SEC23IP: variants seen among roughly 807,000 people sequenced by gnomAD.
SEC23IP encodes SEC23 interacting protein.
In SEC23IP, 70 loss-of-function variants were observed where a neutral mutation model predicts 113.4. The observed-to-expected ratio is 0.62, with a 90% CI of 0.51 to 0.75. The LOEUF is 0.75. SEC23IP is among the 30% of genes least tolerant of loss of function. SEC23IP has a pLI of 0.00. For missense variants in SEC23IP, 1,160 were observed against 1,204.9 expected, an observed-to-expected ratio of 0.96 and a Z score of 0.55; for synonymous variants, 398 against 421.0, an observed-to-expected ratio of 0.95 and a Z score of 0.67.
In SEC23IP at chr10:119,941,003, A is replaced by G. The variant is rs971349803; in HGVS notation, c.*438A>G. ...GTATGTTCTTTTTATTCAAGTATGA[A>G]CTTGTTGAGAAACTATAGTAATATG... On this transcript the variant is annotated 3_prime_UTR_variant, in exon 19 of 19. Coordinates refer to ENST00000369075, the MANE Select transcript of SEC23IP (RefSeq NM_007190.4). 1 of 152,182 alleles carries G rather than the reference A, an allele frequency of 6.6e-6. No individual in the cohort carries two copies. Among genetic ancestry groups the G allele is most frequent in the Non-Finnish European group, 1.5e-5 (1 of 68,032 alleles). 9.4% of individuals were successfully genotyped at this position (152,182 alleles called of 1,614,324 possible).
At chr10:119,914,138 CG>C (rs1854967365) in intron 6 of SEC23IP, among the ~76,000 whole-genome samples, 1 of 152,100 alleles carries the variant, frequency 6.6e-6, no homozygotes, top group Non-Finnish European at 1.5e-5. Flanking sequence ...CTATCCCGGG[CG>C]ACAAGAGTGA....
intron 12 of SEC23IP, among the ~76,000 whole-genome samples, chr10:119,925,751 A>G (rs190561719): frequency 2.2e-4 from 34 of 152,168 alleles, no homozygotes; most frequent in African/African-American, 7.7e-4. Flanking sequence ...TATGTTGCCC[A>G]GGTTGGTCTT....
chr10:119,919,674 G>A (rs952207342), intron 11 of SEC23IP, 78 bp downstream of exon 11: 48 of 1,180,278 alleles, frequency 4.1e-5, no homozygotes, highest in Non-Finnish European at 4.8e-5. Context: ...AAACATTTTC[G>A]TATCAAAATA....
chr10:119,893,434 A>G (rs1033906502), intron 1 of SEC23IP, among the ~76,000 whole-genome samples: 3 of 151,642 alleles, frequency 2.0e-5, no homozygotes, highest in Non-Finnish European at 2.9e-5. Flanking sequence ...TTACAGTAAG[A>G]TATCTTATAA....
chr10:119,915,797 G>T lies in SEC23IP; in HGVS notation c.1452G>T (p.Lys484Asn), dbSNP rs752954131. ...TCAAATTGCTGCGGACACATTTCAAGAAATCTTTAGATGACGGGAAAGTAA... is the reference window on the plus strand; with the variant it reads ...TCAAATTGCTGCGGACACATTTCAATAAATCTTTAGATGACGGGAAAGTAA... The part of the protein sequence containing the change: ...VSLKLLRTHF[K>N]KSLDDGKVSR... Residue 484 changes from lysine (K) to asparagine (N), a missense_variant, in exon 8 of 19, where the codon AAG becomes AAT. Physicochemically the swap from Lys to Asn is moderately conservative, Grantham distance 94 (BLOSUM62 0). Transcript: ENST00000369075. 20 of 1,602,408 alleles carry T rather than the reference G, an allele frequency of 1.2e-5. No homozygotes were observed. Among genetic ancestry groups the T allele is most frequent in the Non-Finnish European group, 1.7e-5 (20 of 1,173,900 alleles).
intron 18 of SEC23IP, among the ~76,000 whole-genome samples, chr10:119,934,499 C>T (rs772398415): frequency 6.6e-6 from 1 of 152,226 alleles, no homozygotes; most frequent in Non-Finnish European, 1.5e-5. Context: ...ACGTGCAGCT[C>T]AGCCACACTC....
rs530854639 is a variant in SEC23IP, at chr10:119,898,129, G to T, written c.164-298G>T. 8 of 244,672 alleles carry T rather than the reference G, an allele frequency of 3.3e-5. No individual in the cohort carries two copies. In the East Asian group the frequency reaches 5.6e-4, roughly 17 times the overall value. 15.2% of individuals were successfully genotyped at this position (244,672 alleles called of 1,614,324 possible). On this transcript the variant is annotated intron_variant, in intron 1 of 18. Transcript: ENST00000369075. ...CTATTTGTATTTATTTTAGAAGTAT[G>T]GAAGGGTATGTAGCAAAATGTTAAC...
At chr10:119,932,584 T>A (rs976435597) in intron 16 of SEC23IP, among the ~76,000 whole-genome samples, 6 of 152,140 alleles carry the variant, frequency 3.9e-5, no homozygotes, top group Admixed American at 2.0e-4. Context: ...AAGGCCAGAG[T>A]GGAATATCCG....
rs1490708297 is a variant in SEC23IP at position 119,918,059 on chromosome 10, T to G, written c.1753+15T>G. ...TCACAGTTTAGGTAAAACTGTCAAA[T>G]ATTCACATTTTAAATACAATTTTTG... On this transcript the variant is annotated intron_variant, in intron 9 of 18. Coordinates refer to ENST00000369075, the MANE Select transcript of SEC23IP (RefSeq NM_007190.4). 6.3e-7 allele frequency: 1 copy of G among 1,597,986 alleles called. No homozygotes were observed.
intron 18 of SEC23IP, among the ~76,000 whole-genome samples, chr10:119,937,349 G>C (rs1389520251): frequency 6.6e-6 from 1 of 151,918 alleles, no homozygotes; most frequent in African/African-American, 2.4e-5. Context: ...CCCTACGCTG[G>C]GCATGATGGC....
chr10:119,931,271 CAAA>C (rs71019733), intron 15 of SEC23IP, among the ~76,000 whole-genome samples: 10 of 93,450 alleles, frequency 1.1e-4, no homozygotes, highest in Non-Finnish European at 9.0e-5. Context: ...GACTCCGTCT[CAAA>C]AAAAAAAAAA....
At chr10:119,911,018 A>C (rs1854842577) in intron 5 of SEC23IP, among the ~76,000 whole-genome samples, 1 of 148,174 alleles carries the variant, frequency 6.7e-6, no homozygotes, top group African/African-American at 2.5e-5. Flanking sequence ...CATTTTGCAT[A>C]CTACATCAAG....
At chr10:119,902,671 T>C (rs1854535398) in intron 2 of SEC23IP, 128 bp from the exon 3 acceptor site, 2 of 758,104 alleles carry the variant, frequency 2.6e-6, no homozygotes, top group East Asian at 2.5e-5. Context: ...CTTTGGGGTC[T>C]AGTTATTACA....
At chr10:119,940,337 G>T (rs541039133) in intron 18 of SEC23IP, among the ~76,000 whole-genome samples, 1 of 151,918 alleles carries the variant, frequency 6.6e-6, no homozygotes, top group South Asian at 2.1e-4. Context: ...ACAGGCACCC[G>T]CCACCATGCC....
Position 119,939,629 on chromosome 10 carries a change from C to T in SEC23IP, c.*21-957C>T, listed in dbSNP as rs531906403. ...GACTGAGGGTGCAGTGAGCTGAGAT[C>T]GTGCCATTGCACTCCTGCCTGGGCG... is the stretch of plus-strand genomic sequence containing the variant. On this transcript the variant is annotated intron_variant, in intron 18 of 18. Coordinates refer to ENST00000369075, the MANE Select transcript of SEC23IP (RefSeq NM_007190.4). Among the ~76,000 whole-genome samples, 5 of 152,180 alleles carry T rather than the reference C, an allele frequency of 3.3e-5. No individual in the cohort carries two copies. The South Asian group carries it at 6.2e-4, about 19-fold the overall frequency.
At chr10:119,936,196 G>A (rs552455658) in intron 18 of SEC23IP, among the ~76,000 whole-genome samples, 10 of 151,926 alleles carry the variant, frequency 6.6e-5, no homozygotes, top group Non-Finnish European at 1.5e-4. Context: ...CACACTTTTT[G>A]CCAATCTCTG....
chr10:119,903,022 C>T lies in SEC23IP; in HGVS notation c.907+13C>T. On this transcript the variant is annotated intron_variant, in intron 3 of 18. Coordinates refer to ENST00000369075, the MANE Select transcript of SEC23IP (RefSeq NM_007190.4). ...ATCTATAATTCAGGTAAACATTGGTCATACATCATTCATATCTGATTTTAG... is the reference window on the plus strand; with the variant it reads ...ATCTATAATTCAGGTAAACATTGGTTATACATCATTCATATCTGATTTTAG... 6.3e-7 allele frequency: 1 copy of T among 1,585,714 alleles called. No homozygotes were observed. Among genetic ancestry groups the T allele is most frequent in the Non-Finnish European group, 8.7e-7 (1 of 1,155,362 alleles).
At chr10:119,916,327 C>T (rs1274844554) in intron 8 of SEC23IP, among the ~76,000 whole-genome samples, 3 of 152,130 alleles carry the variant, frequency 2.0e-5, no homozygotes, top group Non-Finnish European at 2.9e-5. Flanking sequence ...TCTTTGCTGT[C>T]GCAGTGCAGA....
chr10:119,903,653 A>G (rs547752522), intron 3 of SEC23IP, among the ~76,000 whole-genome samples: 5 of 152,286 alleles, frequency 3.3e-5, no homozygotes, highest in African/African-American at 9.6e-5. Context: ...TTAAACTTCT[A>G]TTTTGAAATA....
Sources: allele counts gnomAD v4.1 joint callset (sites outside exome capture counted in the v4.1 genomes callset), GRCh38; gene constraint gnomAD v4.1.1; transcripts MANE v1.5; gene names NCBI Gene and HGNC (gene_info 2026-07-23, HGNC 2026-07-21).